Variants in NR3C2 observed in about 807,000 individuals in gnomAD.
NR3C2 encodes the protein nuclear receptor subfamily 3 group C member 2, also known as mineralocorticoid receptor.
In NR3C2, 15 loss-of-function variants were observed where a neutral mutation model predicts 86.4. That is an observed-to-expected ratio of 0.17 (90% confidence interval 0.12 to 0.27). NR3C2 has a LOEUF of 0.27. Among genes scored for constraint, NR3C2 ranks in the 10% least tolerant of loss-of-function variants. The pLI is 1.00. For missense variants in NR3C2, 960 were observed against 1,195.6 expected (o/e 0.80, Z 2.91); for synonymous variants, 458 against 450.5 (o/e 1.02, Z -0.21).
At chr4:148,318,993 G>T (rs1743393437) in intron 2 of NR3C2, among the ~76,000 whole-genome samples, 1 of 151,460 alleles carries the variant, frequency 6.6e-6, no homozygotes, top group South Asian at 2.1e-4. Context: ...TTTCTTCTAG[G>T]GTTTTTATGG....
At chr4:148,387,276 A>T (rs949257092) in intron 2 of NR3C2, among the ~76,000 whole-genome samples, 1 of 152,162 alleles carries the variant, frequency 6.6e-6, no homozygotes, top group Non-Finnish European at 1.5e-5. Flanking sequence ...AAGCATGAGG[A>T]TGAAAGCTGA....
At chr4:148,186,328 T>C (rs567087597) in intron 4 of NR3C2, among the ~76,000 whole-genome samples, 7 of 152,346 alleles carry the variant, frequency 4.6e-5, no homozygotes, top group Admixed American at 3.3e-4. Flanking sequence ...TATTTTCTTA[T>C]AAAATTATAG....
Position 148,148,666 on chromosome 4 carries a change from C to T in NR3C2, c.2510+3803G>A, listed in dbSNP as rs1429007077. On this transcript the variant is annotated intron_variant, in intron 6 of 8. Coordinates refer to ENST00000358102, the MANE Select transcript of NR3C2 (RefSeq NM_000901.5). ...ATCAACTTTCCTCCTCGTATACTTC[C>T]TTCACCTGGGGAACACCAGTTTAAT... 4.6e-5 allele frequency among the ~76,000 whole-genome samples: 7 copies of T among 152,290 alleles called. No individual in the cohort carries two copies. The East Asian group carries it at 1.3e-3, about 29-fold the overall frequency.
intron 3 of NR3C2, among the ~76,000 whole-genome samples, chr4:148,218,849 C>T (rs1298557919): frequency 6.6e-6 from 1 of 152,148 alleles, no homozygotes; most frequent in Non-Finnish European, 1.5e-5. Flanking sequence ...GAACAGTATT[C>T]CATTATGTGG....
rs553156519 is a variant in NR3C2, at chr4:148,097,751, GTTTTTTTTTT to G, written c.2800-16262_2800-16253del. Among the ~76,000 whole-genome samples the G allele has an allele frequency of 2.9e-5, 3 of 102,908 alleles. 1 individual carries two copies. In the East Asian group the frequency reaches 8.9e-4, roughly 31 times the overall value. 67.5% of individuals were successfully genotyped at this position (102,908 alleles called of 152,430 possible). ...ATGAGACTTTTTTGCGTTTTTTTTT[GTTTTTTTTTT>G]TTTTTTTAAGCTCATCAGCTGTCGC... On this transcript the variant is annotated intron_variant, in intron 8 of 8. Coordinates refer to ENST00000358102, the MANE Select transcript of NR3C2 (RefSeq NM_000901.5).
chr4:148,334,095 G>A (rs955020051), intron 2 of NR3C2, among the ~76,000 whole-genome samples: 16 of 152,130 alleles, frequency 1.1e-4, no homozygotes, highest in African/African-American at 2.9e-4. Context: ...ATGAAGTACC[G>A]TAACTGACTT....
intron 4 of NR3C2, among the ~76,000 whole-genome samples, chr4:148,166,644 T>C (rs532845566): frequency 5.8e-4 from 88 of 152,272 alleles, no homozygotes; most frequent in South Asian, 3.7e-3. Context: ...CAAGAGAGGA[T>C]TTAAGAAAGT....
At chr4:148,202,235 T>C (rs1056682080) in intron 3 of NR3C2, among the ~76,000 whole-genome samples, 15 of 152,224 alleles carry the variant, frequency 9.9e-5, no homozygotes, top group Admixed American at 5.9e-4. Context: ...GGGCCTCAGA[T>C]TGAGCCTCCA....
intron 2 of NR3C2, among the ~76,000 whole-genome samples, chr4:148,342,858 A>G (rs999512318): frequency 1.3e-5 from 2 of 152,172 alleles, no homozygotes; most frequent in Admixed American, 6.6e-5. Flanking sequence ...TGCTTTAGCT[A>G]TAAGGTTAAT....
intron 3 of NR3C2, among the ~76,000 whole-genome samples, chr4:148,236,461 C>A (rs1288290150): frequency 6.6e-6 from 1 of 151,788 alleles, no homozygotes; most frequent in African/African-American, 2.4e-5. Context: ...ACTTTGGATG[C>A]ATAACACTAA....
intron 2 of NR3C2, among the ~76,000 whole-genome samples, chr4:148,408,758 A>G (rs1236958668): frequency 6.6e-6 from 1 of 152,198 alleles, no homozygotes; most frequent in Non-Finnish European, 1.5e-5. Flanking sequence ...ATCACCATTC[A>G]GAGAAATATT....
Position 148,130,887 on chromosome 4 carries a change from G to C in NR3C2, c.2511-10599C>G, listed in dbSNP as rs1326925127. On this transcript the variant is annotated intron_variant, in intron 6 of 8. Coordinates refer to ENST00000358102, the MANE Select transcript of NR3C2 (RefSeq NM_000901.5). The stretch of plus-strand genomic sequence containing the variant: ...CGCCCAGGCTGGAGTGCAGTGGCAC[G>C]ATCTCGGCTCACTGCAAACTCCGCC... Among the ~76,000 whole-genome samples the C allele has an allele frequency of 2.1e-5, 3 of 142,136 alleles. No individual in the cohort carries two copies. In the East Asian group the frequency reaches 6.1e-4, roughly 29 times the overall value. The allele number at this position is 142,136 out of a possible 152,430, so 93.2% of individuals were successfully genotyped here. A position where few individuals can be genotyped will look rare whatever the true frequency, so the allele number is the denominator to read the frequency against.
chr4:148,178,502 C>T (rs1560962237), intron 4 of NR3C2, among the ~76,000 whole-genome samples: 1 of 151,640 alleles, frequency 6.6e-6, no homozygotes, highest in African/African-American at 2.4e-5. Context: ...GGATGTTCTG[C>T]AATTAGCAGA....
chr4:148,323,034 T>C (rs1242195847), intron 2 of NR3C2, among the ~76,000 whole-genome samples: 1 of 149,092 alleles, frequency 6.7e-6, no homozygotes, highest in East Asian at 2.0e-4. Flanking sequence ...TCTTTGATGA[T>C]GGTGATGTAC....
At chr4:148,143,947 C>CAAAAAAAAA (rs67177081) in intron 6 of NR3C2, among the ~76,000 whole-genome samples, 3 of 64,414 alleles carry the variant, frequency 4.7e-5, no homozygotes, top group African/African-American at 1.3e-4. Flanking sequence ...AACTCTGTCT[C>CAAAAAAAAA]AAAAAAAAAA....
At chr4:148,220,627 G>T (rs530473315) in intron 3 of NR3C2, among the ~76,000 whole-genome samples, 1 of 152,062 alleles carries the variant, frequency 6.6e-6, no homozygotes, top group Non-Finnish European at 1.5e-5. Context: ...GCAACATAGC[G>T]AGACGCTGTC....
intron 8 of NR3C2, among the ~76,000 whole-genome samples, chr4:148,094,559 CA>C: frequency 6.6e-6 from 1 of 151,768 alleles, no homozygotes; most frequent in Non-Finnish European, 1.5e-5. Flanking sequence ...ACTAAAAATA[CA>C]AAAAATTAGC....
chr4:148,113,002 A>G lies in NR3C2; in HGVS notation c.2799+1102T>C, dbSNP rs1578895680. Reference sequence around the variant, plus strand: ...TATGGAAACTTCACAAATATGAAGAACTAAATTAGCATGACTGCGTACAAC... The same window carrying G: ...TATGGAAACTTCACAAATATGAAGAGCTAAATTAGCATGACTGCGTACAAC... On this transcript the variant is annotated intron_variant, in intron 8 of 8. Coordinates refer to ENST00000358102, the MANE Select transcript of NR3C2 (RefSeq NM_000901.5). Among the ~76,000 whole-genome samples, 10 of 152,336 alleles carry G rather than the reference A, an allele frequency of 6.6e-5. No homozygotes were observed. In the South Asian group the frequency reaches 2.1e-3, roughly 32 times the overall value.
At chr4:148,385,742 T>TC (rs1189691666) in intron 2 of NR3C2, among the ~76,000 whole-genome samples, 4 of 152,066 alleles carry the variant, frequency 2.6e-5, no homozygotes, top group Admixed American at 2.0e-4. Flanking sequence ...CTGCACATAC[T>TC]CCCCCATGCC....
Sources: gnomAD v4.1 joint callset for allele counts (sites outside exome capture counted in the v4.1 genomes callset) on GRCh38, gnomAD v4.1.1 for gene constraint, MANE v1.5 for transcripts, NCBI Gene and HGNC (gene_info 2026-07-23, HGNC 2026-07-21) for gene names.